Variants in CYP11A1 observed in about 807,000 individuals in gnomAD.
CYP11A1 encodes cytochrome P450 family 11 subfamily A member 1, also known as cholesterol side-chain cleavage enzyme, mitochondrial.
In CYP11A1, 25 loss-of-function variants were observed where a neutral mutation model predicts 51.9. The ratio of observed to expected loss-of-function variants is 0.48; its 90% CI spans 0.35 to 0.67. CYP11A1 has a LOEUF of 0.67. Among genes scored for constraint, CYP11A1 ranks in the 30% least tolerant of loss-of-function variants. The pLI, the probability that CYP11A1 is intolerant of heterozygous loss-of-function variation, is 0.00. For synonymous variants in CYP11A1, 245 were observed against 262.1 expected, an observed-to-expected ratio of 0.93 and a Z score of 0.63; for missense variants, 578 against 680.9, an observed-to-expected ratio of 0.85 and a Z score of 1.68.
chr15:74,337,924 C>T lies in CYP11A1; in HGVS notation c.*48G>A. On this transcript the variant is annotated 3_prime_UTR_variant, in exon 9 of 9. Coordinates refer to ENST00000268053, the MANE Select transcript of CYP11A1 (RefSeq NM_000781.3). ...CTGAAGATGCAGAGACCCCATGGGC[C>T]CCACCCCTGGGCCTTCCTCCCATGT... The T allele has an allele frequency of 6.2e-7, 1 of 1,611,690 alleles. No individual in the cohort carries two copies. The highest frequency in any genetic ancestry group is 1.3e-5 in the African/African-American group (1 of 74,916).
intron 1 of CYP11A1, among the ~76,000 whole-genome samples, chr15:74,353,255 A>G (rs1028849126): frequency 7.2e-5 from 11 of 152,244 alleles, no homozygotes; most frequent in Non-Finnish European, 2.9e-5. Flanking sequence ...GTAGGGGAGA[A>G]AGATGAGGTA....
chr15:74,340,316 C>T (rs1220362353), intron 5 of CYP11A1, among the ~76,000 whole-genome samples: 1 of 152,202 alleles, frequency 6.6e-6, no homozygotes, highest in African/African-American at 2.4e-5. Context: ...AATTAATCAG[C>T]TAATCTCAAC....
intron 1 of CYP11A1, among the ~76,000 whole-genome samples, chr15:74,364,822 A>G (rs557158745): frequency 1.1e-4 from 16 of 152,280 alleles, no homozygotes; most frequent in Non-Finnish European, 2.1e-4. Context: ...TAGGCCTAGG[A>G]GAGAGGGGGA....
In CYP11A1 at chr15:74,340,226, A is replaced by G. The variant is rs72547456; in HGVS notation, c.991-473T>C. On this transcript the variant is annotated intron_variant, in intron 5 of 8. Transcript: ENST00000268053. ...GCTTCACCTATAGCAACATGGCTTC[A>G]AGTAAGGCTCAAAGAAGCTGAAACC... Among the ~76,000 whole-genome samples, 75 of 152,384 alleles carry G rather than the reference A, an allele frequency of 4.9e-4. 1 individual carries two copies. Among genetic ancestry groups the G allele is most frequent in the Admixed American group, 4.0e-3 (61 of 15,308 alleles).
chr15:74,367,449 C>T lies in CYP11A1; in HGVS notation c.137G>A (p.Arg46His), dbSNP rs952740494. The T allele has an allele frequency of 3.7e-6, 6 of 1,614,086 alleles. No individual in the cohort carries two copies. Among genetic ancestry groups the T allele is most frequent in the East Asian group, 2.2e-5 (1 of 44,902 alleles). Reference protein sequence around the residue: ...EGAGISTRSPRPFNEIPSPGD... With the variant: ...EGAGISTRSPHPFNEIPSPGD... ...AGGAGAGGGGATCTCATTGAAGGGG[C>T]GAGGACTGCGGGTGGAGATGCCAGC... The change falls in exon 1 of 9, where the codon CGC (arginine) becomes CAC (histidine). Residue 46 changes from arginine to histidine, a missense_variant. Physicochemically the swap from Arg to His is conservative, Grantham distance 29. Coordinates refer to ENST00000268053, the MANE Select transcript of CYP11A1 (RefSeq NM_000781.3).
Position 74,347,905 on chromosome 15 carries a change from C to T in CYP11A1, c.420G>A (p.Leu140=). ...HQYYQRPIGV[L]LKKSAAWKKD... ...GGAGATGGCCCAGGACTCACTTCAA[C>T]AGGACTCCTATGGGTCTCTGGTAAT... The change falls in exon 2 of 9, where the codon CTG becomes CTA. Residue 140 remains leucine, a synonymous_variant. Coordinates refer to ENST00000268053, the MANE Select transcript of CYP11A1 (RefSeq NM_000781.3). 1 of 1,614,182 alleles carries T rather than the reference C, an allele frequency of 6.2e-7. No individual in the cohort carries two copies. Among genetic ancestry groups the T allele is most frequent in the South Asian group, 1.1e-5 (1 of 91,084 alleles).
intron 1 of CYP11A1, chr15:74,362,632 A>T (rs1199844972): frequency 2.0e-5 from 3 of 152,200 alleles, no homozygotes; most frequent in Non-Finnish European, 4.4e-5. Context: ...TTAAGGTAAA[A>T]CTAACTAGGG....
In CYP11A1 at chr15:74,338,022, G is replaced by A; in HGVS notation, c.1516C>T (p.Pro506Ser). Residue 506 changes from proline (P) to serine (S), a missense_variant, in exon 9 of 9, where the codon CCC becomes TCC. Pro to Ser is a moderately conservative substitution (Grantham distance 74). Coordinates refer to ENST00000268053, the MANE Select transcript of CYP11A1 (RefSeq NM_000781.3). ...AAGGGCCAGAAGGTGAAGGAGATGG[G>A]CTTTTCAGGCATCAGAATGAGGTTG... Reference protein sequence around the residue: ...TFNLILMPEKPISFTFWPFNQ... With the variant: ...TFNLILMPEKSISFTFWPFNQ... 6.2e-7 allele frequency: 1 copy of A among 1,614,148 alleles called. No homozygotes were observed. Among genetic ancestry groups the A allele is most frequent in the South Asian group, 1.1e-5 (1 of 91,074 alleles).
chr15:74,348,854 C>T (rs1032090600), intron 1 of CYP11A1, among the ~76,000 whole-genome samples: 1 of 152,062 alleles, frequency 6.6e-6, no homozygotes, highest in African/African-American at 2.4e-5. Flanking sequence ...CACCTCAGCC[C>T]GGCCAAGTAC....
intron 1 of CYP11A1, chr15:74,350,035 C>G (rs1227010210): frequency 3.2e-6 from 1 of 315,296 alleles, no homozygotes; most frequent in African/African-American, 2.3e-5. Flanking sequence ...CCAGAAAAGT[C>G]TGAGGACCAC....
chr15:74,348,070 G>GA lies in CYP11A1; in HGVS notation c.270-16dup, dbSNP rs776115813. On this transcript the variant is annotated splice_polypyrimidine_tract_variant and intron_variant, in intron 1 of 8. Coordinates refer to ENST00000268053, the MANE Select transcript of CYP11A1 (RefSeq NM_000781.3). ...CGAGCTTCTCCCTGGAGGGGTGGGGGAGAGGGGCTGATGGAAGGATCCGAG... is the reference window on the plus strand; with the variant it reads ...CGAGCTTCTCCCTGGAGGGGTGGGGGAAGAGGGGCTGATGGAAGGATCCGAG... 58 of 1,613,554 alleles carry GA rather than the reference G, an allele frequency of 3.6e-5. No individual in the cohort carries two copies. The highest frequency in any genetic ancestry group is 3.3e-5 in the Admixed American group (2 of 59,956).
chr15:74,353,940 C>T (rs2060666342), intron 1 of CYP11A1, among the ~76,000 whole-genome samples: 2 of 152,118 alleles, frequency 1.3e-5, no homozygotes, highest in African/African-American at 4.8e-5. Context: ...CTTTTTTATC[C>T]TTAAACTAAC....
chr15:74,355,037 G>A lies in CYP11A1; in HGVS notation c.270-6982C>T, dbSNP rs530215555. ...GGGGGCAAGCACCTCCCTTCTCTCC[G>A]TGTCTCTACCCTCCCTTTTCTCTCC... On this transcript the variant is annotated intron_variant, in intron 1 of 8. Coordinates refer to ENST00000268053, the MANE Select transcript of CYP11A1 (RefSeq NM_000781.3). Among the ~76,000 whole-genome samples, 30 of 151,956 alleles carry A rather than the reference G, an allele frequency of 2.0e-4. No individual in the cohort carries two copies. In the South Asian group the frequency reaches 4.4e-3, roughly 22 times the overall value.
At chr15:74,359,492 G>A (rs957691919) in intron 1 of CYP11A1, 2 of 152,180 alleles carry the variant, frequency 1.3e-5, no homozygotes, top group African/African-American at 2.4e-5. Context: ...AAGTGAAAAC[G>A]GCCTGTTCCT....
intron 1 of CYP11A1, chr15:74,362,099 G>C (rs1043829823): frequency 4.2e-5 from 47 of 1,118,410 alleles, no homozygotes; most frequent in Non-Finnish European, 5.5e-5. Context: ...TGTAGCTCAG[G>C]ACAGCACCCT....
At chr15:74,358,650 G>T (rs1226594881) in intron 1 of CYP11A1, among the ~76,000 whole-genome samples, 1 of 152,148 alleles carries the variant, frequency 6.6e-6, no homozygotes, top group African/African-American at 2.4e-5. Flanking sequence ...ATACCTCTTG[G>T]TCTAGGTAGA....
chr15:74,343,903 G>C lies in CYP11A1; in HGVS notation c.715C>G (p.Gln239Glu). Residue 239 changes from glutamine to glutamate, a missense_variant, in exon 4 of 9, where the codon CAG becomes GAG. Gln to Glu is a conservative substitution (Grantham distance 29). Coordinates refer to ENST00000268053, the MANE Select transcript of CYP11A1 (RefSeq NM_000781.3). Reference protein sequence around the residue: ...EAQRFIDAIYQMFHTSVPMLN... With the variant: ...EAQRFIDAIYEMFHTSVPMLN... ...ATGGGGACGCTGGTGTGGAACATCT[G>C]GTAGATGGCATCAATGAATCGCTGG... is the stretch of plus-strand genomic sequence containing the variant. The C allele has an allele frequency of 6.2e-7, 1 of 1,614,104 alleles. No individual in the cohort carries two copies. Among genetic ancestry groups the C allele is most frequent in the Non-Finnish European group, 8.5e-7 (1 of 1,179,992 alleles).
chr15:74,352,533 C>A (rs989641564), intron 1 of CYP11A1, among the ~76,000 whole-genome samples: 3 of 152,102 alleles, frequency 2.0e-5, no homozygotes, highest in African/African-American at 7.2e-5. Context: ...CCTCCCAAAG[C>A]ACTGGGATTA....
At chr15:74,339,927 G>C (rs1036645365) in intron 5 of CYP11A1, among the ~76,000 whole-genome samples, 174 bp from the exon 6 acceptor site, 1 of 152,170 alleles carries the variant, frequency 6.6e-6, no homozygotes, top group African/African-American at 2.4e-5. Context: ...TGTCTAAAAG[G>C]CAAATGTCCA....
Sources: allele counts gnomAD v4.1 joint callset (sites outside exome capture counted in the v4.1 genomes callset), GRCh38; gene constraint gnomAD v4.1.1; transcripts MANE v1.5; gene names NCBI Gene and HGNC (gene_info 2026-07-23, HGNC 2026-07-21).